Variants in SDHA observed in about 807,000 individuals in gnomAD.
SDHA encodes the protein succinate dehydrogenase complex flavoprotein subunit A.
SDHA carries 48 observed loss-of-function variants against 78.4 expected under a neutral mutation model. The ratio of observed to expected loss-of-function variants is 0.61; its 90% CI spans 0.49 to 0.78. SDHA has a LOEUF of 0.78. Ranked by LOEUF, SDHA falls within the 30% of genes least tolerant of loss-of-function variation. The probability of loss-of-function intolerance (pLI) is 0.00; values close to 1 mark genes in which losing one functional copy is unlikely to be tolerated. For synonymous variants in SDHA, 326 were observed against 353.9 expected, an observed-to-expected ratio of 0.92 and a Z score of 0.88; for missense variants, 680 against 892.7, an observed-to-expected ratio of 0.76 and a Z score of 3.04.
rs557205555 is a variant in SDHA, at chr5:244,367, A to G, written c.1551+3891A>G. 3.1e-4 allele frequency among the ~76,000 whole-genome samples: 47 copies of G among 152,166 alleles called. No homozygotes were observed. In the South Asian group the frequency reaches 9.8e-3, roughly 32 times the overall value. ...AAATACATAGAGGAGTCATTGATTC[A>G]GATTACAATGAGGAAATTCAAATTG... is the stretch of plus-strand genomic sequence containing the variant. On this transcript the variant is annotated intron_variant, in intron 11 of 14. Transcript: ENST00000264932.
chr5:243,754 CTG>C (rs970756151), intron 11 of SDHA, among the ~76,000 whole-genome samples: 6 of 152,164 alleles, frequency 3.9e-5, no homozygotes, highest in Non-Finnish European at 8.8e-5. Context: ...CCAGGCTGCT[CTG>C]TGACCTATCA....
intron 11 of SDHA, among the ~76,000 whole-genome samples, chr5:247,309 T>C (rs1299201379): frequency 6.6e-6 from 1 of 152,262 alleles, no homozygotes; most frequent in Non-Finnish European, 1.5e-5. Context: ...ACTTTATTTA[T>C]GCAATTGCAA....
Position 256,608 on chromosome 5 carries a change from A to G in SDHA, c.*188A>G. ...CCAGTGGCCAGGGAGCGTGGCACTTACCTTTGTCCCTTGCTTCATTCTTGT... is the reference window on the plus strand; with the variant it reads ...CCAGTGGCCAGGGAGCGTGGCACTTGCCTTTGTCCCTTGCTTCATTCTTGT... On this transcript the variant is annotated 3_prime_UTR_variant, in exon 15 of 15. Coordinates refer to ENST00000264932, the MANE Select transcript of SDHA (RefSeq NM_004168.4). 1 of 622,370 alleles carries G rather than the reference A, an allele frequency of 1.6e-6. No homozygotes were observed. Among genetic ancestry groups the G allele is most frequent in the East Asian group, 2.8e-5 (1 of 35,958 alleles). 38.6% of individuals were successfully genotyped at this position (622,370 alleles called of 1,614,324 possible).
At chr5:235,663 G>T (rs185737352) in intron 9 of SDHA, 1 of 387,802 alleles carries the variant, frequency 2.6e-6, no homozygotes, top group Non-Finnish European at 4.9e-6. Flanking sequence ...AGTGGTTTGT[G>T]GTTCACACAG....
intron 8 of SDHA, chr5:234,867 A>G: frequency 2.0e-6 from 1 of 502,236 alleles, no homozygotes; most frequent in Non-Finnish European, 3.6e-6. Flanking sequence ...TGCACTTACC[A>G]AGGACACCTG....
Position 236,595 on chromosome 5 carries a change from G to T in SDHA, c.1428G>T (p.Arg476Ser), listed in dbSNP as rs377415114. The T allele has an allele frequency of 5.6e-6, 9 of 1,613,910 alleles. No homozygotes were observed. Among genetic ancestry groups the T allele is most frequent in the Admixed American group, 3.3e-5 (2 of 60,020 alleles). Residue 476 changes from arginine (R) to serine (S), a missense_variant, in exon 10 of 15, where the codon AGG becomes AGT. Transcript: ENST00000264932. ...ACALSIEESCRPGDKVPPIKP... is the reference protein window; with the variant it reads ...ACALSIEESCSPGDKVPPIKP... Reference sequence around the variant, plus strand: ...CCCTGAGCATCGAAGAGTCATGCAGGCCTGGTAAGTGTTTTCTTCAGGAGC... The same window carrying T: ...CCCTGAGCATCGAAGAGTCATGCAGTCCTGGTAAGTGTTTTCTTCAGGAGC...
intron 7 of SDHA, among the ~76,000 whole-genome samples, chr5:232,634 G>A (rs1735482392): frequency 6.6e-6 from 1 of 151,980 alleles, no homozygotes; most frequent in Non-Finnish European, 1.5e-5. Flanking sequence ...TATGTGAGAA[G>A]TAACCACAGA....
chr5:230,732 TG>T, intron 6 of SDHA, 143 bp from the exon 7 acceptor site: 1 of 1,033,464 alleles, frequency 9.7e-7, no homozygotes, highest in Non-Finnish European at 1.5e-6. Flanking sequence ...GTGATATGTG[TG>T]GGGTGTGCGT....
At chr5:252,523 T>G (rs1412111881) in intron 13 of SDHA, among the ~76,000 whole-genome samples, 1 of 147,986 alleles carries the variant, frequency 6.8e-6, no homozygotes, top group African/African-American at 2.5e-5. Flanking sequence ...TATTAACGAG[T>G]AAGTCACCGT....
chr5:264,290 A>G, the SDHA span, among the ~76,000 whole-genome samples: 1 of 152,240 alleles, frequency 6.6e-6, no homozygotes, highest in Non-Finnish European at 1.5e-5. Context: ...TCTGAAATGA[A>G]TGAATCTAAA....
chr5:251,871 G>A (rs1400318262), intron 13 of SDHA: 32 of 356,926 alleles, frequency 9.0e-5, no homozygotes, highest in South Asian at 6.8e-4. Context: ...TTTCAAACCT[G>A]CCCTGTGGAG....
chr5:241,130 T>C (rs550502505), intron 11 of SDHA, among the ~76,000 whole-genome samples: 5 of 152,228 alleles, frequency 3.3e-5, no homozygotes, highest in African/African-American at 9.6e-5. Flanking sequence ...GCAGAATTAG[T>C]GACTGCTTGG....
intron 1 of SDHA, among the ~76,000 whole-genome samples, chr5:220,916 C>T (rs1410175922): frequency 6.6e-6 from 1 of 151,412 alleles, no homozygotes; most frequent in Non-Finnish European, 1.5e-5. Context: ...GAGTTCACGC[C>T]ATTCTCCTGC....
chr5:244,942 A>T (rs998757686), intron 11 of SDHA, among the ~76,000 whole-genome samples: 4 of 152,232 alleles, frequency 2.6e-5, no homozygotes, highest in Non-Finnish European at 5.9e-5. Context: ...GCAGGGTTTG[A>T]AAGAAGTGCT....
intron 7 of SDHA, among the ~76,000 whole-genome samples, chr5:232,219 T>A (rs1422551016): frequency 6.6e-6 from 1 of 152,084 alleles, no homozygotes; most frequent in Non-Finnish European, 1.5e-5. Context: ...GTTTTTTTTT[T>A]ATTTGTTTCG....
At chr5:242,805 A>T (rs1211810511) in intron 11 of SDHA, among the ~76,000 whole-genome samples, 1 of 152,142 alleles carries the variant, frequency 6.6e-6, no homozygotes, top group African/African-American at 2.4e-5. Context: ...TAACAATGGG[A>T]CACGTGTGGG....
intron 4 of SDHA, 92 bp downstream of exon 4, chr5:225,654 C>T (rs2126548362): frequency 1.3e-6 from 2 of 1,562,042 alleles, no homozygotes; most frequent in Non-Finnish European, 8.8e-7. Context: ...GCGGATGTGG[C>T]AGCCAAAAGA....
rs751471707 is a variant in SDHA, at chr5:236,423, C to A, written c.1261-5C>A. 3.0e-5 allele frequency: 49 copies of A among 1,613,298 alleles called. No individual in the cohort carries two copies. The highest frequency in any genetic ancestry group is 3.9e-5 in the Non-Finnish European group (46 of 1,179,522). On this transcript the variant is annotated splice_region_variant and splice_polypyrimidine_tract_variant and intron_variant, in intron 9 of 14. Transcript: ENST00000264932. ...ACATTTCACCTGAAATCTTCCTTTC[C>A]ACAGGTCCTGAGGCACGTGAATGGC... is the stretch of plus-strand genomic sequence containing the variant.
At chr5:218,956 C>G (rs967045144) in intron 1 of SDHA, among the ~76,000 whole-genome samples, 18 of 152,040 alleles carry the variant, frequency 1.2e-4, no homozygotes, top group South Asian at 4.1e-4. Context: ...CGGTGGGCGT[C>G]CGGTGGGAAG....
Sources: gnomAD v4.1 joint callset for allele counts (sites outside exome capture counted in the v4.1 genomes callset) on GRCh38, gnomAD v4.1.1 for gene constraint, MANE v1.5 for transcripts, NCBI Gene and HGNC (gene_info 2026-07-23, HGNC 2026-07-21) for gene names.